Variants in EZR observed in about 807,000 individuals in gnomAD.
EZR encodes the protein ezrin.
In EZR, 40 loss-of-function variants were observed where a neutral mutation model predicts 74.8. The observed-to-expected ratio is 0.53, with a 90% CI of 0.42 to 0.70. EZR has a LOEUF of 0.70. EZR is among the 30% of genes least tolerant of loss of function. The pLI is 0.00. For missense variants in EZR, 678 were observed against 755.8 expected, an observed-to-expected ratio of 0.90 and a Z score of 1.21; for synonymous variants, 341 against 283.3, an observed-to-expected ratio of 1.20 and a Z score of -2.05.
At position 158,784,745 on chromosome 6, in the gene EZR, A is replaced by G. The variant is rs1791525061; in HGVS notation, c.468-18T>C. 2.5e-6 allele frequency: 4 copies of G among 1,610,356 alleles called. No individual in the cohort carries two copies. Among genetic ancestry groups the G allele is most frequent in the Non-Finnish European group, 3.4e-6 (4 of 1,176,670 alleles). On this transcript the variant is annotated intron_variant, in intron 5 of 13. Coordinates refer to ENST00000367075, the MANE Select transcript of EZR (RefSeq NM_001111077.2). ...CCATCACTCTGGAATGCAAAAGGAA[A>G]CAGCACTGTCATCCTTAAGGAATGT...
intron 8 of EZR, among the ~76,000 whole-genome samples, chr6:158,776,042 G>A (rs1381895438): frequency 6.6e-6 from 1 of 152,178 alleles, no homozygotes; most frequent in African/African-American, 2.4e-5. Flanking sequence ...GCTCTGAAAG[G>A]CAAATCTGGC....
At chr6:158,799,335 A>G (rs1338322884) in intron 2 of EZR, among the ~76,000 whole-genome samples, 7 of 152,210 alleles carry the variant, frequency 4.6e-5, no homozygotes, top group African/African-American at 1.7e-4. Context: ...TGCCAAGGTC[A>G]CGCTATGACC....
Position 158,769,900 on chromosome 6 carries a change from T to C in EZR, c.1135A>G (p.Arg379Gly), listed in dbSNP as rs2128564903. Reference protein sequence around the residue: ...IQRALQLEEERKRAQEEAERL... With the variant: ...IQRALQLEEEGKRAQEEAERL... ...TCGGCCTCCTCCTGTGCCCGCTTCCTCTCCTCCTCCAGCTGCAGGGCCCTC... is the reference window on the plus strand; with the variant it reads ...TCGGCCTCCTCCTGTGCCCGCTTCCCCTCCTCCTCCAGCTGCAGGGCCCTC... The change falls in exon 11 of 14, where the codon AGG (arginine) becomes GGG (glycine). Residue 379 changes from arginine (R) to glycine (G), a missense_variant. Transcript: ENST00000367075. 4 of 1,613,068 alleles carry C rather than the reference T, an allele frequency of 2.5e-6. No individual in the cohort carries two copies. Among genetic ancestry groups the C allele is most frequent in the Non-Finnish European group, 3.4e-6 (4 of 1,179,988 alleles).
intron 8 of EZR, among the ~76,000 whole-genome samples, chr6:158,772,812 G>C (rs575765420): frequency 3.3e-5 from 5 of 152,278 alleles, no homozygotes; most frequent in Non-Finnish European, 7.4e-5. Context: ...AAAACAGTGC[G>C]ATATATCCCA....
intron 3 of EZR, chr6:158,788,540 G>A (rs145587972): frequency 2.6e-5 from 4 of 152,038 alleles, no homozygotes; most frequent in East Asian, 1.9e-4. Context: ...CCAACTATTC[G>A]GGGAGCTGAT....
At chr6:158,784,192 C>T (rs1360610740) in intron 6 of EZR, among the ~76,000 whole-genome samples, 1 of 152,294 alleles carries the variant, frequency 6.6e-6, no homozygotes, top group East Asian at 1.9e-4. Flanking sequence ...TCAGGTGGCT[C>T]GGCCATGTCT....
intron 2 of EZR, among the ~76,000 whole-genome samples, chr6:158,805,960 T>TC (rs1777329265): frequency 1.3e-5 from 2 of 152,230 alleles, no homozygotes; most frequent in African/African-American, 4.8e-5. Context: ...ATTTCAATTT[T>TC]CAAGTCTGAG....
chr6:158,778,667 G>C (rs1791347236), intron 7 of EZR, among the ~76,000 whole-genome samples: 1 of 152,142 alleles, frequency 6.6e-6, no homozygotes, highest in African/African-American at 2.4e-5. Context: ...GCTGATTCCA[G>C]GACTAGAACA....
At chr6:158,805,482 T>C (rs1343735998) in intron 2 of EZR, among the ~76,000 whole-genome samples, 1 of 152,170 alleles carries the variant, frequency 6.6e-6, no homozygotes. Context: ...TGAGCAATAT[T>C]ATACAATGTT....
intron 2 of EZR, among the ~76,000 whole-genome samples, chr6:158,794,948 T>C (rs1334884414): frequency 1.3e-5 from 2 of 152,152 alleles, no homozygotes; most frequent in Non-Finnish European, 2.9e-5. Context: ...TGCTTAATAA[T>C]CTACTCTTTA....
chr6:158,808,780 G>A (rs1159066668), intron 2 of EZR, among the ~76,000 whole-genome samples: 4 of 152,126 alleles, frequency 2.6e-5, no homozygotes, highest in African/African-American at 9.7e-5. Context: ...TATTTATCCT[G>A]CCAATAAACA....
chr6:158,792,536 A>G (rs374523113), intron 2 of EZR, among the ~76,000 whole-genome samples: 3 of 122,556 alleles, frequency 2.4e-5, no homozygotes, highest in Admixed American at 7.6e-5. Flanking sequence ...AGTGAACTTA[A>G]AAATTGGCTG....
intron 2 of EZR, among the ~76,000 whole-genome samples, chr6:158,805,551 T>C (rs1273101287): frequency 6.6e-6 from 1 of 152,114 alleles, no homozygotes; most frequent in Non-Finnish European, 1.5e-5. Flanking sequence ...CACCCCAGTC[T>C]TTACTTTTGC....
Position 158,784,742 on chromosome 6 carries a change from G to A in EZR, c.468-15C>T, listed in dbSNP as rs1269904455. On this transcript the variant is annotated splice_polypyrimidine_tract_variant and intron_variant, in intron 5 of 13. Coordinates refer to ENST00000367075, the MANE Select transcript of EZR (RefSeq NM_001111077.2). ...GGTCCATCACTCTGGAATGCAAAAG[G>A]AAACAGCACTGTCATCCTTAAGGAA... 6.2e-7 allele frequency: 1 copy of A among 1,611,702 alleles called. No individual in the cohort carries two copies. Among genetic ancestry groups the A allele is most frequent in the Non-Finnish European group, 8.5e-7 (1 of 1,177,896 alleles).
intron 2 of EZR, among the ~76,000 whole-genome samples, chr6:158,797,685 T>G (rs758782157): frequency 1.6e-4 from 24 of 152,236 alleles, no homozygotes; most frequent in Non-Finnish European, 3.5e-4. Context: ...AATGGGAGTA[T>G]GATAGGGAAA....
intron 2 of EZR, among the ~76,000 whole-genome samples, chr6:158,794,673 G>C (rs1777030904): frequency 6.6e-6 from 1 of 152,146 alleles, no homozygotes; most frequent in African/African-American, 2.4e-5. Flanking sequence ...CAAAAACGGT[G>C]TTCAGTGAAG....
At chr6:158,811,681 C>CA (rs1365761861) in intron 2 of EZR, among the ~76,000 whole-genome samples, 4 of 152,082 alleles carry the variant, frequency 2.6e-5, no homozygotes, top group African/African-American at 7.2e-5. Context: ...CTGGGCCACA[C>CA]AGTGAGATCT....
intron 8 of EZR, among the ~76,000 whole-genome samples, chr6:158,772,877 C>T (rs753018): frequency 6.6e-6 from 1 of 151,734 alleles, no homozygotes; most frequent in Non-Finnish European, 1.5e-5. Flanking sequence ...TCAACACATC[C>T]GAGAAGAATC....
chr6:158,793,661 T>G (rs1791800626), intron 2 of EZR, among the ~76,000 whole-genome samples: 1 of 152,118 alleles, frequency 6.6e-6, no homozygotes, highest in Admixed American at 6.6e-5. Flanking sequence ...TTAGCATCCT[T>G]AAGCCATCCA....
Sources: gnomAD v4.1 joint callset for allele counts (sites outside exome capture counted in the v4.1 genomes callset) on GRCh38, gnomAD v4.1.1 for gene constraint, MANE v1.5 for transcripts, NCBI Gene and HGNC (gene_info 2026-07-23, HGNC 2026-07-21) for gene names.